AFAP1L1: variants seen among roughly 807,000 people sequenced by gnomAD.
AFAP1L1 encodes actin filament-associated protein 1-like 1.
AFAP1L1 carries 77 observed loss-of-function variants against 99.8 expected under a neutral mutation model. The observed-to-expected ratio is 0.77, with a 90% confidence interval of 0.64 to 0.93. AFAP1L1 has a LOEUF of 0.93. Ranked by LOEUF, AFAP1L1 falls within the 40% of genes least tolerant of loss-of-function variation. The pLI, the probability that AFAP1L1 is intolerant of heterozygous loss-of-function variation, is 0.00. For synonymous variants in AFAP1L1, 373 were observed against 395.3 expected (o/e 0.94, Z 0.67); for missense variants, 893 against 996.8 (o/e 0.90, Z 1.40).
At chr5:149,307,786 TA>T (rs1756467579) in intron 7 of AFAP1L1, among the ~76,000 whole-genome samples, 173 bp downstream of exon 7, 1 of 128,176 alleles carries the variant, frequency 7.8e-6, no homozygotes, top group African/African-American at 2.9e-5. Context: ...GAGCAGAATT[TA>T]AACACACACA....
chr5:149,296,727 G>A (rs1220837380), intron 1 of AFAP1L1, among the ~76,000 whole-genome samples: 1 of 152,198 alleles, frequency 6.6e-6, no homozygotes. Flanking sequence ...AACATTTAGT[G>A]TATGTATTAG....
At chr5:149,277,778 T>C (rs552602391) in intron 1 of AFAP1L1, among the ~76,000 whole-genome samples, 1 of 152,284 alleles carries the variant, frequency 6.6e-6, no homozygotes, top group Non-Finnish European at 1.5e-5. Flanking sequence ...GTGTCTTCAT[T>C]TGGAATGTCA....
chr5:149,301,334 C>G (rs530915686), intron 4 of AFAP1L1, 104 bp downstream of exon 4: 93 of 1,018,896 alleles, frequency 9.1e-5, no homozygotes. Context: ...CGGTTCTGGA[C>G]CCTGTTGTCT....
chr5:149,316,496 G>A (rs748078206), intron 11 of AFAP1L1, among the ~76,000 whole-genome samples, 193 bp downstream of exon 11: 1 of 152,132 alleles, frequency 6.6e-6, no homozygotes, highest in Non-Finnish European at 1.5e-5. Flanking sequence ...CAGAGGCCCT[G>A]ACACTCAACG....
At chr5:149,317,635 G>C in intron 11 of AFAP1L1, 94 bp from the exon 12 acceptor site, 1 of 1,335,070 alleles carries the variant, frequency 7.5e-7, no homozygotes, top group Non-Finnish European at 1.0e-6. Context: ...CCAGGACCCC[G>C]AGGCCTTCTT....
At chr5:149,272,949 G>A (rs1755179933) in intron 1 of AFAP1L1, among the ~76,000 whole-genome samples, 1 of 151,918 alleles carries the variant, frequency 6.6e-6, no homozygotes, top group Admixed American at 6.6e-5. Context: ...GTGATCAGCC[G>A]GCCCCGGCCT....
intron 1 of AFAP1L1, among the ~76,000 whole-genome samples, chr5:149,296,180 C>T (rs1756011163): frequency 6.6e-6 from 1 of 152,174 alleles, no homozygotes; most frequent in Non-Finnish European, 1.5e-5. Context: ...ACTACAGGCA[C>T]ATGCCACCAC....
At position 149,310,024 on chromosome 5, in the gene AFAP1L1, C is replaced by A; in HGVS notation, c.816C>A (p.Tyr272Ter). The A allele has an allele frequency of 6.2e-7, 1 of 1,614,238 alleles. No individual in the cohort carries two copies. The highest frequency in any genetic ancestry group is 8.5e-7 in the Non-Finnish European group (1 of 1,180,042). ...RLALDTCSII[Y>*]VPKDSRHKRH... ...CACTGGATACCTGCAGCATCATCTACGTGCCCAAGGACAGCCGGCACAAGA... is the reference window on the plus strand; with the variant it reads ...CACTGGATACCTGCAGCATCATCTAAGTGCCCAAGGACAGCCGGCACAAGA... Residue 272 changes from tyrosine to a stop codon, truncating the protein, a stop_gained, in exon 8 of 19, where the codon TAC becomes TAA. Transcript: ENST00000296721. LOFTEE classifies it high-confidence loss of function.
chr5:149,305,575 G>A (rs909401841), intron 5 of AFAP1L1, among the ~76,000 whole-genome samples: 1 of 152,128 alleles, frequency 6.6e-6, no homozygotes, highest in African/African-American at 2.4e-5. Flanking sequence ...ACTCCCAGGT[G>A]ATTCTGATAC....
At position 149,341,225 on chromosome 5, in the gene AFAP1L1, G is replaced by T. The variant is rs533067145; in HGVS notation, c.*1195G>T. On this transcript the variant is annotated 3_prime_UTR_variant, in exon 19 of 19. Coordinates refer to ENST00000296721, the MANE Select transcript of AFAP1L1 (RefSeq NM_152406.4). ...ATAACCGTGGCCACTTTGCTATAGGGGTTACATATTTTAACCCACCTAAGG... is the reference window on the plus strand; with the variant it reads ...ATAACCGTGGCCACTTTGCTATAGGTGTTACATATTTTAACCCACCTAAGG... 1.6e-3 allele frequency: 247 copies of T among 152,232 alleles called. No homozygotes were observed. The highest frequency in any genetic ancestry group is 5.7e-3 in the African/African-American group (238 of 41,520). The allele number at this position is 152,232 out of a possible 1,614,324, so 9.4% of individuals were successfully genotyped here. A position where few individuals can be genotyped will look rare whatever the true frequency, so the allele number is the denominator to read the frequency against.
intron 5 of AFAP1L1, 163 bp downstream of exon 5, chr5:149,302,689 G>A (rs1003408428): frequency 1.0e-5 from 6 of 601,986 alleles, no homozygotes; most frequent in Non-Finnish European, 1.4e-5. Context: ...GGCCTCTTCG[G>A]TGACAGCCTG....
chr5:149,331,611 C>T (rs1757260751), intron 16 of AFAP1L1, among the ~76,000 whole-genome samples: 1 of 150,676 alleles, frequency 6.6e-6, no homozygotes, highest in Non-Finnish European at 1.5e-5. Flanking sequence ...CAGAGCGAGA[C>T]TCCGTCTCAA....
rs144014350 is a variant in AFAP1L1 at position 149,330,612 on chromosome 5, AC to A, written c.1975+783del. ...AAGAACTTCTGGTTTAAAGGAGAAGACTTGTTCTGTGTGGCCAAGAACCAGA... is the reference window on the plus strand; with the variant it reads ...AAGAACTTCTGGTTTAAAGGAGAAGATTGTTCTGTGTGGCCAAGAACCAGA... On this transcript the variant is annotated intron_variant, in intron 16 of 18. Coordinates refer to ENST00000296721, the MANE Select transcript of AFAP1L1 (RefSeq NM_152406.4). Among the ~76,000 whole-genome samples the A allele has an allele frequency of 7.9e-3, 1,196 of 152,290 alleles. 13 individuals are homozygous for A. The highest frequency in any genetic ancestry group is 0.027 in the African/African-American group (1,135 of 41,552).
intron 1 of AFAP1L1, 118 bp downstream of exon 1, chr5:149,272,102 A>C: frequency 4.7e-5 from 46 of 974,962 alleles, no homozygotes; most frequent in East Asian, 6.9e-5. Context: ...GGGCTGAGGA[A>C]CGCTCGGAGG....
intron 16 of AFAP1L1, among the ~76,000 whole-genome samples, chr5:149,330,206 A>C (rs953988097): frequency 6.6e-6 from 1 of 152,194 alleles, no homozygotes; most frequent in African/African-American, 2.4e-5. Flanking sequence ...GATATATGTG[A>C]GACATTGGTC....
rs146377720 is a variant in AFAP1L1, at chr5:149,286,084, G to A, written c.17-13425G>A. Among the ~76,000 whole-genome samples the A allele has an allele frequency of 2.9e-4, 44 of 152,288 alleles. 1 individual carries two copies. In the East Asian group the frequency reaches 3.5e-3, roughly 12 times the overall value. On this transcript the variant is annotated intron_variant, in intron 1 of 18. Transcript: ENST00000296721. ...TCCAGGAAGGCTGGATCAGCCTCCC[G>A]GAGGAAGTGGCATCTAAACCAACTC... is the stretch of plus-strand genomic sequence containing the variant.
intron 1 of AFAP1L1, among the ~76,000 whole-genome samples, chr5:149,281,530 G>T (rs1755519483): frequency 1.3e-5 from 2 of 152,194 alleles, no homozygotes; most frequent in African/African-American, 2.4e-5. Context: ...TGAGGCCTAG[G>T]AGTATCTTTT....
chr5:149,336,481 A>G (rs1274358652), intron 18 of AFAP1L1, among the ~76,000 whole-genome samples: 2 of 152,226 alleles, frequency 1.3e-5, no homozygotes, highest in Non-Finnish European at 2.9e-5. Context: ...AGAATACCTG[A>G]ACCTGGATCA....
chr5:149,316,653 T>A (rs983575166), intron 11 of AFAP1L1, among the ~76,000 whole-genome samples: 11 of 152,196 alleles, frequency 7.2e-5, no homozygotes, highest in African/African-American at 2.7e-4. Flanking sequence ...CGTGCCAGGT[T>A]TATAAGTAAC....
Sources: gnomAD v4.1 joint callset for allele counts (sites outside exome capture counted in the v4.1 genomes callset) on GRCh38, gnomAD v4.1.1 for gene constraint, MANE v1.5 for transcripts, NCBI Gene and HGNC (gene_info 2026-07-23, HGNC 2026-07-21) for gene names.